The following ST8SIA5 variants were observed in gnomAD, a reference collection of about 807,000 sequenced individuals.
ST8SIA5 encodes the protein alpha-2,8-sialyltransferase 8E.
Under a neutral mutation model 40.2 loss-of-function variants are expected in ST8SIA5, and 24 were observed. The ratio of observed to expected loss-of-function variants is 0.60; its 90% confidence interval spans 0.43 to 0.84. ST8SIA5 has a LOEUF of 0.84. Among genes scored for constraint, ST8SIA5 ranks in the 40% least tolerant of loss-of-function variants. The pLI is 0.00. For synonymous variants in ST8SIA5, 198 were observed against 201.8 expected, an observed-to-expected ratio of 0.98 and a Z score of 0.16; for missense variants, 465 against 498.5, an observed-to-expected ratio of 0.93 and a Z score of 0.64.
At chr18:46,707,198 G>T (rs1223387421) in intron 1 of ST8SIA5, among the ~76,000 whole-genome samples, 1 of 152,156 alleles carries the variant, frequency 6.6e-6, no homozygotes, top group Non-Finnish European at 1.5e-5. Context: ...AATCCACTGA[G>T]TCAGGTAAAG....
chr18:46,694,811 C>G (rs1404357260), intron 2 of ST8SIA5, among the ~76,000 whole-genome samples: 1 of 151,312 alleles, frequency 6.6e-6, no homozygotes, highest in Admixed American at 6.6e-5. Context: ...AAGCTTTCTT[C>G]AGGTTCCTAC....
At chr18:46,749,261 C>T (rs61176264) in intron 1 of ST8SIA5, among the ~76,000 whole-genome samples, 11,724 of 152,158 alleles carry the variant, frequency 0.077, 809 homozygotes, top group East Asian at 0.31. Context: ...ATTTCTTTTG[C>T]AGAGTAATGA....
rs1015676687 is a variant in ST8SIA5, at chr18:46,717,641, C to T, written c.132-12977G>A. ...CCCTACTATCAGCTCTTTTCAAGAGCGAATTCTCTGGCAATTCCAGCCTGT... is the reference window on the plus strand; with the variant it reads ...CCCTACTATCAGCTCTTTTCAAGAGTGAATTCTCTGGCAATTCCAGCCTGT... On this transcript the variant is annotated intron_variant, in intron 1 of 6. Transcript: ENST00000315087. 8.5e-5 allele frequency among the ~76,000 whole-genome samples: 13 copies of T among 152,230 alleles called. No homozygotes were observed. In the South Asian group the frequency reaches 1.5e-3, roughly 17 times the overall value.
At chr18:46,699,758 C>G (rs1187392819) in intron 2 of ST8SIA5, among the ~76,000 whole-genome samples, 1 of 152,214 alleles carries the variant, frequency 6.6e-6, no homozygotes, top group Non-Finnish European at 1.5e-5. Flanking sequence ...TCATTTAACA[C>G]ATGAGTACTG....
At chr18:46,688,116 T>C (rs1160166493) in intron 4 of ST8SIA5, among the ~76,000 whole-genome samples, 2 of 152,180 alleles carry the variant, frequency 1.3e-5, no homozygotes, top group Non-Finnish European at 2.9e-5. Context: ...ACCATTCAGG[T>C]CTGCGGCTCA....
At position 46,756,630 on chromosome 18, in the gene ST8SIA5, G is replaced by C. The variant is rs1180734338; in HGVS notation, c.-122C>G. The C allele has an allele frequency of 8.4e-7, 1 of 1,185,320 alleles. No homozygotes were observed. Among genetic ancestry groups the C allele is most frequent in the Non-Finnish European group, 1.2e-6 (1 of 867,240 alleles). The allele number at this position is 1,185,320 out of a possible 1,614,324, so 73.4% of individuals were successfully genotyped here. A position where few individuals can be genotyped will look rare whatever the true frequency, so the allele number is the denominator to read the frequency against. Reference sequence around the variant, plus strand: ...CTCACGGTGCGGTCAGGCAGGCGGGGGACTTCGAGGGGCAAAGTTTCTGGT... The same window carrying C: ...CTCACGGTGCGGTCAGGCAGGCGGGCGACTTCGAGGGGCAAAGTTTCTGGT... On this transcript the variant is annotated 5_prime_UTR_variant, in exon 1 of 7. Coordinates refer to ENST00000315087, the MANE Select transcript of ST8SIA5 (RefSeq NM_013305.6).
At chr18:46,748,272 C>T (rs1255448150) in intron 1 of ST8SIA5, among the ~76,000 whole-genome samples, 1 of 151,460 alleles carries the variant, frequency 6.6e-6, no homozygotes, top group African/African-American at 2.4e-5. Flanking sequence ...AGGGGCTGGG[C>T]GTGGTGGCTG....
rs1007122444 is a variant in ST8SIA5 at position 46,678,113 on chromosome 18, C to T, written c.*1929G>A. On this transcript the variant is annotated 3_prime_UTR_variant, in exon 7 of 7. Transcript: ENST00000315087. ...CAAGCAAGTAATAACCATCCACTGTCCTTTGCAGTTCTTCCTGGTTTAGCA... is the reference window on the plus strand; with the variant it reads ...CAAGCAAGTAATAACCATCCACTGTTCTTTGCAGTTCTTCCTGGTTTAGCA... 3.3e-5 allele frequency: 5 copies of T among 152,364 alleles called. No individual in the cohort carries two copies. Among genetic ancestry groups the T allele is most frequent in the South Asian group, 2.1e-4 (1 of 4,824 alleles). 9.4% of individuals were successfully genotyped at this position (152,364 alleles called of 1,614,324 possible).
rs1240806313 is a variant in ST8SIA5 at position 46,743,038 on chromosome 18, T to C, written c.131+13340A>G. Among the ~76,000 whole-genome samples the C allele has an allele frequency of 3.3e-5, 5 of 152,070 alleles. No homozygotes were observed. In the East Asian group the frequency reaches 5.8e-4, roughly 18 times the overall value. On this transcript the variant is annotated intron_variant, in intron 1 of 6. Coordinates refer to ENST00000315087, the MANE Select transcript of ST8SIA5 (RefSeq NM_013305.6). ...AGCATCAACATCAACAAAAAGGACA[T>C]CTACACCAAAACGCCATTTGTAGGT...
At chr18:46,734,469 T>C (rs966553387) in intron 1 of ST8SIA5, among the ~76,000 whole-genome samples, 1 of 152,008 alleles carries the variant, frequency 6.6e-6, no homozygotes, top group African/African-American at 2.4e-5. Context: ...GGGCAGAAAT[T>C]TCACTCTTCC....
At chr18:46,710,646 T>TTC (rs1196902566) in intron 1 of ST8SIA5, among the ~76,000 whole-genome samples, 1 of 24,812 alleles carries the variant, frequency 4.0e-5, no homozygotes, top group East Asian at 6.3e-4. Flanking sequence ...GTTCAAGTGA[T>TTC]TCTCCCGAAG....
At chr18:46,683,749 G>T (rs897600670) in intron 5 of ST8SIA5, among the ~76,000 whole-genome samples, 1 of 151,720 alleles carries the variant, frequency 6.6e-6, no homozygotes, top group South Asian at 2.1e-4. Flanking sequence ...AGTGCGGGAG[G>T]GGGTGGGGTG....
At chr18:46,715,720 C>G (rs1049797164) in intron 1 of ST8SIA5, among the ~76,000 whole-genome samples, 1 of 152,038 alleles carries the variant, frequency 6.6e-6, no homozygotes, top group Non-Finnish European at 1.5e-5. Flanking sequence ...GCTAGGACTA[C>G]AAGCATGCAC....
chr18:46,682,940 GCA>G (rs1324747022), intron 5 of ST8SIA5, among the ~76,000 whole-genome samples: 1 of 152,202 alleles, frequency 6.6e-6, no homozygotes, highest in Non-Finnish European at 1.5e-5. Context: ...ATGCAGTTCT[GCA>G]GACATCTTGA....
At chr18:46,725,994 T>TATCCTGG (rs2039921626) in intron 1 of ST8SIA5, among the ~76,000 whole-genome samples, 1 of 69,038 alleles carries the variant, frequency 1.4e-5, no homozygotes, top group African/African-American at 5.2e-5. Context: ...TATATATATA[T>TATCCTGG]ATATATATAT....
chr18:46,682,142 G>A (rs568285078), intron 5 of ST8SIA5, 78 bp from the exon 6 acceptor site: 33 of 1,103,774 alleles, frequency 3.0e-5, no homozygotes, highest in Non-Finnish European at 3.5e-5. Flanking sequence ...GGGAGGGGAG[G>A]GATGGTGATC....
chr18:46,732,247 T>C (rs1210459619), intron 1 of ST8SIA5, among the ~76,000 whole-genome samples: 2 of 152,026 alleles, frequency 1.3e-5, no homozygotes, highest in African/African-American at 4.8e-5. Context: ...AGAGGTAGAG[T>C]GCACCATCAG....
chr18:46,668,302 T>A lies in ST8SIA5; in HGVS notation c.*11740A>T, dbSNP rs999780397. ...ATGCCACGTGGCCGCTTTTTCTTCA[T>A]ACGCAGGAGGCCACTCAGAAATGAG... On this transcript the variant is annotated 3_prime_UTR_variant, in exon 7 of 7. Transcript: ENST00000315087. 6.6e-6 allele frequency: 1 copy of A among 152,202 alleles called. No homozygotes were observed. The highest frequency in any genetic ancestry group is 1.5e-5 in the Non-Finnish European group (1 of 68,048). The allele number at this position is 152,202 out of a possible 1,614,324, so 9.4% of individuals were successfully genotyped here.
chr18:46,754,902 C>A (rs1219122212), intron 1 of ST8SIA5, among the ~76,000 whole-genome samples: 1 of 152,224 alleles, frequency 6.6e-6, no homozygotes, highest in Admixed American at 6.5e-5. Context: ...AGGGCCGCAG[C>A]AAGCTGTGGG....
Sources: gnomAD v4.1 joint callset for allele counts (sites outside exome capture counted in the v4.1 genomes callset) on GRCh38, gnomAD v4.1.1 for gene constraint, MANE v1.5 for transcripts, NCBI Gene and HGNC (gene_info 2026-07-23, HGNC 2026-07-21) for gene names.